Variants in ARFGAP3 observed in about 807,000 individuals in gnomAD.
The protein encoded by ARFGAP3 is ARF GTPase activating protein 3, also known as ADP-ribosylation factor GTPase-activating protein 3.
In ARFGAP3, 72 loss-of-function variants were observed where a neutral mutation model predicts 75.0. The observed-to-expected ratio is 0.96, with a 90% CI of 0.79 to 1.17. The LOEUF is 1.17. ARFGAP3 is among the 50% of genes most tolerant of loss of function. The probability of loss-of-function intolerance (pLI) is 0.00; values close to 1 mark genes in which losing one functional copy is unlikely to be tolerated. For missense variants in ARFGAP3, 620 were observed against 626.6 expected (o/e 0.99, Z 0.11); for synonymous variants, 221 against 217.9 (o/e 1.01, Z -0.13).
At chr22:42,850,788 C>A (rs1240438822) in intron 1 of ARFGAP3, among the ~76,000 whole-genome samples, 3 of 152,030 alleles carry the variant, frequency 2.0e-5, no homozygotes, top group Admixed American at 6.6e-5. Flanking sequence ...GGTGGAGTGA[C>A]AACTGACACA....
Position 42,834,312 on chromosome 22 carries a change from C to G in ARFGAP3, c.407G>C (p.Ser136Thr), listed in dbSNP as rs561244419. ...AGGGGACAAAGGTGGAACCACACAA[C>G]TATCAAGCCACAGCTAGAACAAAAA... ...RKHGTDLWLDSCVVPPLSPPP... is the reference protein window; with the variant it reads ...RKHGTDLWLDTCVVPPLSPPP... Residue 136 changes from serine (S) to threonine (T), a missense_variant, in exon 5 of 16, where the codon AGT (serine) becomes ACT (threonine). Physicochemically the swap from Ser to Thr is moderately conservative, Grantham distance 58. Transcript: ENST00000263245. 6.1e-5 allele frequency: 99 copies of G among 1,613,738 alleles called. 2 individuals carry two copies. In the South Asian group the frequency reaches 9.3e-4, roughly 15 times the overall value.
intron 5 of ARFGAP3, among the ~76,000 whole-genome samples, chr22:42,833,819 G>A (rs1188036626): frequency 6.6e-6 from 1 of 152,218 alleles, no homozygotes; most frequent in Non-Finnish European, 1.5e-5. Context: ...GGGAGGCTGA[G>A]GCTGGAGAAT....
intron 3 of ARFGAP3, among the ~76,000 whole-genome samples, chr22:42,837,678 T>C (rs1027768510): frequency 1.0e-4 from 12 of 119,014 alleles, no homozygotes; most frequent in Admixed American, 4.3e-4. Context: ...CATACTTCTT[T>C]TTTTTTTTTT....
intron 7 of ARFGAP3, among the ~76,000 whole-genome samples, chr22:42,825,581 A>T (rs1344684988): frequency 6.6e-6 from 1 of 151,914 alleles, no homozygotes; most frequent in Admixed American, 6.6e-5. Flanking sequence ...AGGCTGAGGC[A>T]CGAGAATCGC....
At chr22:42,847,410 C>A in intron 2 of ARFGAP3, 104 bp downstream of exon 2, 1 of 980,704 alleles carries the variant, frequency 1.0e-6, no homozygotes, top group Non-Finnish European at 1.5e-6. Flanking sequence ...AGGTGACAGG[C>A]GACAAGGCAA....
intron 14 of ARFGAP3, among the ~76,000 whole-genome samples, chr22:42,801,101 C>T (rs772808762): frequency 1.8e-4 from 28 of 152,174 alleles, no homozygotes; most frequent in Non-Finnish European, 3.4e-4. Flanking sequence ...GAGGTGGCTG[C>T]AGGGGTCCAG....
chr22:42,811,984 C>T (rs953923120), intron 11 of ARFGAP3, among the ~76,000 whole-genome samples: 1 of 151,916 alleles, frequency 6.6e-6, no homozygotes, highest in South Asian at 2.1e-4. Flanking sequence ...CCAGACCAGC[C>T]TGGGCAACAT....
intron 3 of ARFGAP3, among the ~76,000 whole-genome samples, chr22:42,836,639 T>A (rs1926533315): frequency 6.6e-6 from 1 of 152,192 alleles, no homozygotes. Context: ...AGACATGAAT[T>A]ATAGAATTCA....
intron 1 of ARFGAP3, 91 bp from the exon 2 acceptor site, chr22:42,847,723 T>C (rs1025511629): frequency 3.7e-5 from 54 of 1,452,056 alleles, no homozygotes; most frequent in Non-Finnish European, 4.7e-5. Context: ...TTGAAAACTG[T>C]TTAACCTTTA....
In ARFGAP3 at chr22:42,797,472, T is replaced by C; in HGVS notation, c.*116A>G. ...TTAAAAATCAGAAACATATACCATA[T>C]GAAAAAGTAGCAAAACAATCTGCAA... is the stretch of plus-strand genomic sequence containing the variant. On this transcript the variant is annotated 3_prime_UTR_variant, in exon 16 of 16. Coordinates refer to ENST00000263245, the MANE Select transcript of ARFGAP3 (RefSeq NM_014570.5). The C allele has an allele frequency of 2.3e-6, 3 of 1,331,252 alleles. No homozygotes were observed. The highest frequency in any genetic ancestry group is 2.3e-5 in the East Asian group (1 of 43,236). 82.5% of individuals were successfully genotyped at this position (1,331,252 alleles called of 1,614,324 possible). A position where few individuals can be genotyped will look rare whatever the true frequency, so the allele number is the denominator to read the frequency against.
intron 11 of ARFGAP3, among the ~76,000 whole-genome samples, chr22:42,811,366 C>T (rs781712478): frequency 1.3e-5 from 2 of 152,174 alleles, no homozygotes; most frequent in African/African-American, 2.4e-5. Context: ...TATAACTTGG[C>T]CTATCCAGAC....
At chr22:42,804,286 T>C (rs539414617) in intron 14 of ARFGAP3, among the ~76,000 whole-genome samples, 124 of 151,770 alleles carry the variant, frequency 8.2e-4, no homozygotes, top group Admixed American at 2.2e-3. Flanking sequence ...TCTCGGCCAC[T>C]GCAACATCCC....
At chr22:42,836,587 T>C (rs1384977476) in intron 3 of ARFGAP3, among the ~76,000 whole-genome samples, 2 of 152,210 alleles carry the variant, frequency 1.3e-5, no homozygotes, top group Non-Finnish European at 2.9e-5. Flanking sequence ...TTTAAACAAT[T>C]AAAAGAAACT....
At chr22:42,835,609 C>G in intron 3 of ARFGAP3, 116 bp from the exon 4 acceptor site, 1 of 1,177,688 alleles carries the variant, frequency 8.5e-7, no homozygotes, top group African/African-American at 1.5e-5. Context: ...ATCACGAGGT[C>G]GGGAGATCAG....
chr22:42,813,619 C>A (rs1296668483), intron 11 of ARFGAP3, among the ~76,000 whole-genome samples: 1 of 152,198 alleles, frequency 6.6e-6, no homozygotes, highest in African/African-American at 2.4e-5. Flanking sequence ...CCAGCATGAG[C>A]CTGTGAGGCA....
chr22:42,797,703 C>G, intron 15 of ARFGAP3, 98 bp from the exon 16 acceptor site: 1 of 1,611,676 alleles, frequency 6.2e-7, no homozygotes, highest in South Asian at 1.1e-5. Flanking sequence ...GACACTGCAG[C>G]CCATGTCAGG....
At chr22:42,834,426 T>C in intron 4 of ARFGAP3, 101 bp from the exon 5 acceptor site, 1 of 1,522,752 alleles carries the variant, frequency 6.6e-7, no homozygotes, top group South Asian at 1.3e-5. Flanking sequence ...TCCTAAAGAT[T>C]GGTGCTTTCC....
At chr22:42,833,127 T>A (rs1013361649) in intron 5 of ARFGAP3, among the ~76,000 whole-genome samples, 2 of 152,234 alleles carry the variant, frequency 1.3e-5, no homozygotes, top group Admixed American at 1.3e-4. Flanking sequence ...TCACTGTTGC[T>A]ATCAGGTCAC....
chr22:42,840,939 C>A lies in ARFGAP3; in HGVS notation c.261+5G>T, dbSNP rs754291385. 4 of 1,613,644 alleles carry A rather than the reference C, an allele frequency of 2.5e-6. No homozygotes were observed. In the East Asian group the frequency reaches 8.9e-5, roughly 36 times the overall value. ...AGGAAAATGACGAGTTTGAGATGAA[C>A]TTACTGCACTAGCGTTTCCTCCGAC... is the stretch of plus-strand genomic sequence containing the variant. On this transcript the variant is annotated splice_donor_5th_base_variant and intron_variant, in intron 3 of 15. Coordinates refer to ENST00000263245, the MANE Select transcript of ARFGAP3 (RefSeq NM_014570.5).
Sources: gnomAD v4.1 joint callset for allele counts (sites outside exome capture counted in the v4.1 genomes callset) on GRCh38, gnomAD v4.1.1 for gene constraint, MANE v1.5 for transcripts, NCBI Gene and HGNC (gene_info 2026-07-23, HGNC 2026-07-21) for gene names.